The following SLCO1C1 variants were observed in gnomAD, a reference collection of about 807,000 sequenced individuals.
SLCO1C1 encodes OAT-RP-5.
SLCO1C1 carries 70 observed loss-of-function variants against 76.4 expected under a neutral mutation model. The ratio of observed to expected loss-of-function variants is 0.92; its 90% CI spans 0.76 to 1.12. The LOEUF (loss-of-function observed/expected upper bound fraction) is 1.12. Among genes scored for constraint, SLCO1C1 ranks in the 50% most tolerant of loss-of-function variants. The pLI is 0.00. For missense variants in SLCO1C1, 912 were observed against 823.8 expected (o/e 1.11, Z -1.31); for synonymous variants, 306 against 286.1 (o/e 1.07, Z -0.70).
intron 7 of SLCO1C1, among the ~76,000 whole-genome samples, chr12:20,718,825 G>A (rs142240632): frequency 0.013 from 1,987 of 152,118 alleles, 16 homozygotes; most frequent in Middle Eastern, 0.071. Context: ...AGCCTATTCC[G>A]GAATTTAGAC....
intron 13 of SLCO1C1, among the ~76,000 whole-genome samples, chr12:20,746,815 T>C (rs938602754): frequency 2.6e-5 from 3 of 115,686 alleles, no homozygotes; most frequent in African/African-American, 7.5e-5. Context: ...GGTATTGTCT[T>C]TTTTTTTTCA....
intron 1 of SLCO1C1, 28 bp from the exon 2 acceptor site, chr12:20,699,524 T>G: frequency 6.6e-7 from 1 of 1,517,686 alleles, no homozygotes; most frequent in Non-Finnish European, 8.8e-7. Flanking sequence ...TATTTATTTA[T>G]TTTTACTTTA....
chr12:20,711,288 G>C (rs1380282727), intron 4 of SLCO1C1, 98 bp from the exon 5 acceptor site: 2 of 1,361,918 alleles, frequency 1.5e-6, no homozygotes, highest in Non-Finnish European at 2.0e-6. Flanking sequence ...ACAGCTGCAA[G>C]CTCAACCTGG....
At chr12:20,706,190 T>C (rs1238032022) in intron 4 of SLCO1C1, 109 bp downstream of exon 4, 1 of 1,330,610 alleles carries the variant, frequency 7.5e-7, no homozygotes, top group East Asian at 2.6e-5. Context: ...GATAACTTTG[T>C]CTTACTTTTA....
chr12:20,737,278 A>G lies in SLCO1C1; in HGVS notation c.1548+6A>G, dbSNP rs1160637520. 1.9e-6 allele frequency: 3 copies of G among 1,555,512 alleles called. No homozygotes were observed. The highest frequency in any genetic ancestry group is 2.6e-6 in the Non-Finnish European group (3 of 1,159,684). On this transcript the variant is annotated splice_donor_region_variant and intron_variant, in intron 11 of 14. Coordinates refer to ENST00000266509, the MANE Select transcript of SLCO1C1 (RefSeq NM_017435.5). Reference sequence around the variant, plus strand: ...ACAGGAGTGGAAAAAATATTGTAAGAAATCACCTCTCAAGTATATGGCGAT... The same window carrying G: ...ACAGGAGTGGAAAAAATATTGTAAGGAATCACCTCTCAAGTATATGGCGAT...
chr12:20,733,992 A>G (rs996794430), intron 10 of SLCO1C1, among the ~76,000 whole-genome samples: 1 of 152,154 alleles, frequency 6.6e-6, no homozygotes, highest in African/African-American at 2.4e-5. Flanking sequence ...AGTCTCCATC[A>G]TGTGCCAGGA....
intron 8 of SLCO1C1, among the ~76,000 whole-genome samples, chr12:20,722,600 A>C (rs550994745): frequency 2.0e-5 from 3 of 152,220 alleles, no homozygotes; most frequent in South Asian, 4.1e-4. Context: ...GGTAGGCTAC[A>C]TAATAGGAAA....
intron 12 of SLCO1C1, among the ~76,000 whole-genome samples, chr12:20,740,729 T>C (rs1410133251): frequency 7.0e-6 from 1 of 143,200 alleles, no homozygotes; most frequent in Non-Finnish European, 1.5e-5. Flanking sequence ...TCATGGGAAA[T>C]AGAATTTATA....
chr12:20,717,028 T>C, intron 6 of SLCO1C1, 104 bp from the exon 7 acceptor site: 2 of 977,876 alleles, frequency 2.0e-6, no homozygotes, highest in Non-Finnish European at 3.1e-6. Context: ...TTAAAACATT[T>C]TGAGCTACTG....
chr12:20,723,839 T>G (rs1020455765), intron 9 of SLCO1C1, among the ~76,000 whole-genome samples: 13 of 152,166 alleles, frequency 8.5e-5, no homozygotes, highest in African/African-American at 2.7e-4. Flanking sequence ...CATGAACATG[T>G]CATTTAATGT....
intron 13 of SLCO1C1, among the ~76,000 whole-genome samples, chr12:20,745,837 A>G (rs1384123954): frequency 6.6e-6 from 1 of 152,092 alleles, no homozygotes; most frequent in Non-Finnish European, 1.5e-5. Flanking sequence ...AAAAAAAGAA[A>G]AAAAAAAAGA....
intron 7 of SLCO1C1, among the ~76,000 whole-genome samples, chr12:20,717,877 AT>A (rs956571365): frequency 1.3e-5 from 2 of 151,582 alleles, no homozygotes; most frequent in African/African-American, 2.4e-5. Flanking sequence ...ATTTGTCAGT[AT>A]TTTTTTAAAG....
intron 13 of SLCO1C1, among the ~76,000 whole-genome samples, chr12:20,748,490 T>C (rs1949148998): frequency 6.6e-6 from 1 of 152,178 alleles, no homozygotes; most frequent in Non-Finnish European, 1.5e-5. Flanking sequence ...ATAACCACAA[T>C]ACCATTCTCA....
intron 4 of SLCO1C1, among the ~76,000 whole-genome samples, chr12:20,707,836 A>G (rs1259338215): frequency 6.6e-6 from 1 of 152,182 alleles, no homozygotes; most frequent in Non-Finnish European, 1.5e-5. Context: ...AAAAAAATGT[A>G]TTAAAAAGAA....
At chr12:20,740,783 T>TATATATATATATATATATATATA (rs1406774430) in intron 12 of SLCO1C1, among the ~76,000 whole-genome samples, 5 of 53,992 alleles carry the variant, frequency 9.3e-5, no homozygotes, top group East Asian at 5.6e-4. Flanking sequence ...AGAATTTATT[T>TATATATATATATATATATATATA]TATTTATATA....
At chr12:20,721,285 A>G (rs759891554) in intron 7 of SLCO1C1, among the ~76,000 whole-genome samples, 22 of 152,168 alleles carry the variant, frequency 1.4e-4, no homozygotes, top group Non-Finnish European at 2.9e-4. Flanking sequence ...GAGCTGATCT[A>G]TGTGGCAAGC....
chr12:20,746,231 A>G (rs1199842475), intron 13 of SLCO1C1, among the ~76,000 whole-genome samples: 1 of 152,204 alleles, frequency 6.6e-6, no homozygotes, highest in African/African-American at 2.4e-5. Flanking sequence ...CGTAGTAACA[A>G]TAATGGCTGC....
intron 9 of SLCO1C1, among the ~76,000 whole-genome samples, chr12:20,724,839 A>G (rs780558899): frequency 2.7e-5 from 4 of 146,206 alleles, no homozygotes; most frequent in Non-Finnish European, 4.5e-5. Context: ...TAATACTATA[A>G]TAGATAATAT....
intron 5 of SLCO1C1, among the ~76,000 whole-genome samples, chr12:20,713,273 G>C (rs1032877327): frequency 9.2e-5 from 14 of 151,744 alleles, no homozygotes; most frequent in Non-Finnish European, 1.8e-4. Context: ...TAGAGACGGG[G>C]TTTCACCTTG....
Sources: gnomAD v4.1 joint callset for allele counts (sites outside exome capture counted in the v4.1 genomes callset) on GRCh38, gnomAD v4.1.1 for gene constraint, MANE v1.5 for transcripts, NCBI Gene and HGNC (gene_info 2026-07-23, HGNC 2026-07-21) for gene names.